SCAPER: variants seen among roughly 807,000 people sequenced by gnomAD.
The protein encoded by SCAPER is S-phase cyclin A associated protein in the ER.
Under a neutral mutation model 182.2 loss-of-function variants are expected in SCAPER, and 98 were observed. That is an observed-to-expected ratio of 0.54 (90% CI 0.46 to 0.64). The LOEUF (loss-of-function observed/expected upper bound fraction) is 0.64. SCAPER is among the 30% of genes least tolerant of loss of function. The pLI, the probability that SCAPER is intolerant of heterozygous loss-of-function variation, is 0.00. For synonymous variants in SCAPER, 605 were observed against 564.6 expected, an observed-to-expected ratio of 1.07 and a Z score of -1.01; for missense variants, 1,432 against 1,690.0, an observed-to-expected ratio of 0.85 and a Z score of 2.68.
chr15:76,735,399 A>G (rs2061188832), intron 15 of SCAPER, among the ~76,000 whole-genome samples: 1 of 152,002 alleles, frequency 6.6e-6, no homozygotes, highest in African/African-American at 2.4e-5. Context: ...ACAATTTGGA[A>G]GAAAATAATA....
Position 76,670,366 on chromosome 15 carries a change from C to G in SCAPER, c.2509-4577G>C, listed in dbSNP as rs186329641. Among the ~76,000 whole-genome samples the G allele has an allele frequency of 1.9e-4, 29 of 152,122 alleles. No individual in the cohort carries two copies. In the East Asian group the frequency reaches 5.6e-3, roughly 29 times the overall value. ...CTTCCATTAAATAATAATTCTACAA[C>G]ATAAGCTAACAGATGTAAGCTATTC... On this transcript the variant is annotated intron_variant, in intron 20 of 31. Transcript: ENST00000563290.
At chr15:76,891,983 T>C (rs1216775133) in intron 1 of SCAPER, among the ~76,000 whole-genome samples, 4 of 152,100 alleles carry the variant, frequency 2.6e-5, no homozygotes, top group East Asian at 1.9e-4. Context: ...AACAGATACA[T>C]AGACCAATGG....
intron 2 of SCAPER, among the ~76,000 whole-genome samples, chr15:76,866,089 G>A (rs2072272266): frequency 1.3e-5 from 2 of 152,066 alleles, no homozygotes; most frequent in South Asian, 2.1e-4. Context: ...ACTTACACTG[G>A]CATCTATCAT....
chr15:76,807,923 G>GGAATCCCA (rs1401516528), intron 5 of SCAPER, among the ~76,000 whole-genome samples: 2 of 151,896 alleles, frequency 1.3e-5, no homozygotes, highest in Non-Finnish European at 2.9e-5. Context: ...TTTTACAAAA[G>GGAATCCCA]GAATCCCAGT....
chr15:76,663,772 T>C (rs2146732956), intron 21 of SCAPER, among the ~76,000 whole-genome samples: 2 of 152,228 alleles, frequency 1.3e-5, no homozygotes, highest in Middle Eastern at 3.4e-3. Context: ...TATATCTTGA[T>C]AGGGGTATGG....
intron 21 of SCAPER, among the ~76,000 whole-genome samples, chr15:76,656,438 C>T (rs762829177): frequency 1.3e-5 from 2 of 152,088 alleles, no homozygotes; most frequent in Admixed American, 1.3e-4. Flanking sequence ...TAGAAAACCA[C>T]ATAATAATAG....
chr15:76,428,846 A>T (rs2046623850), intron 26 of SCAPER, among the ~76,000 whole-genome samples: 1 of 136,794 alleles, frequency 7.3e-6, no homozygotes, highest in Non-Finnish European at 1.6e-5. Flanking sequence ...CACAATAGGT[A>T]TCCTGATCAG....
chr15:76,821,238 G>C (rs1044453052), intron 5 of SCAPER, among the ~76,000 whole-genome samples: 6 of 152,210 alleles, frequency 3.9e-5, no homozygotes, highest in Non-Finnish European at 8.8e-5. Context: ...ACGTTCTTCA[G>C]TACATGAATG....
At chr15:76,583,300 G>A (rs1387598631) in intron 22 of SCAPER, among the ~76,000 whole-genome samples, 9 of 147,138 alleles carry the variant, frequency 6.1e-5, no homozygotes, top group Admixed American at 2.1e-4. Context: ...GTGGTGAGTC[G>A]AGATTGAGCC....
chr15:76,404,938 T>C (rs1408783415), intron 26 of SCAPER, among the ~76,000 whole-genome samples: 2 of 152,276 alleles, frequency 1.3e-5, no homozygotes, highest in East Asian at 3.9e-4. Flanking sequence ...ATGACAATGA[T>C]TATCTAGTCA....
intron 4 of SCAPER, among the ~76,000 whole-genome samples, chr15:76,853,365 G>C (rs1413528497): frequency 6.6e-6 from 1 of 152,034 alleles, no homozygotes; most frequent in East Asian, 1.9e-4. Context: ...ATCTGGCCGA[G>C]ACACAACACG....
chr15:76,650,313 AAAAG>A (rs1159977502), intron 21 of SCAPER, among the ~76,000 whole-genome samples: 1 of 152,024 alleles, frequency 6.6e-6, no homozygotes, highest in Non-Finnish European at 1.5e-5. Context: ...ATTTACAAGG[AAAAG>A]AAAGGAAAAA....
chr15:76,477,018 G>T (rs2050707118), intron 24 of SCAPER, among the ~76,000 whole-genome samples: 1 of 152,132 alleles, frequency 6.6e-6, no homozygotes, highest in African/African-American at 2.4e-5. Flanking sequence ...TTAATTGACA[G>T]GCTACTTGCG....
intron 22 of SCAPER, among the ~76,000 whole-genome samples, chr15:76,592,905 G>C (rs2049231550): frequency 8.3e-6 from 1 of 120,156 alleles, no homozygotes; most frequent in African/African-American, 2.5e-5. Flanking sequence ...CTTTTGGGCA[G>C]ACACCGAGCT....
chr15:76,705,749 T>G (rs575691669), intron 18 of SCAPER, among the ~76,000 whole-genome samples, 154 bp downstream of exon 18: 12 of 152,276 alleles, frequency 7.9e-5, no homozygotes, highest in Non-Finnish European at 1.6e-4. Flanking sequence ...AGTTTCCAGG[T>G]ACTAAGTTAG....
intron 26 of SCAPER, among the ~76,000 whole-genome samples, chr15:76,426,293 C>A (rs867794960): frequency 6.6e-6 from 1 of 152,218 alleles, no homozygotes. Flanking sequence ...TTTACCTACT[C>A]AAGCCTCAGC....
intron 14 of SCAPER, among the ~76,000 whole-genome samples, chr15:76,761,389 T>A (rs1474625001): frequency 6.6e-6 from 1 of 152,176 alleles, no homozygotes; most frequent in Non-Finnish European, 1.5e-5. Flanking sequence ...GTTTTGTTTC[T>A]TCTTTTTCTA....
chr15:76,529,748 A>G (rs2144516438), intron 23 of SCAPER, among the ~76,000 whole-genome samples: 1 of 152,392 alleles, frequency 6.6e-6, no homozygotes, highest in South Asian at 2.1e-4. Flanking sequence ...AAGGGCCATG[A>G]GGCTGGAGCA....
At chr15:76,819,407 G>A (rs1335872402) in intron 5 of SCAPER, among the ~76,000 whole-genome samples, 2 of 152,192 alleles carry the variant, frequency 1.3e-5, no homozygotes, top group African/African-American at 4.8e-5. Flanking sequence ...GAACGATCAG[G>A]CAGCAGCATT....
Sources: gnomAD v4.1 joint callset for allele counts (sites outside exome capture counted in the v4.1 genomes callset) on GRCh38, gnomAD v4.1.1 for gene constraint, MANE v1.5 for transcripts, NCBI Gene and HGNC (gene_info 2026-07-23, HGNC 2026-07-21) for gene names.